Variants in ACAT2 observed in about 807,000 individuals in gnomAD.
The protein encoded by ACAT2 is acetyl-CoA acetyltransferase, cytosolic.
In ACAT2, 26 loss-of-function variants were observed where a neutral mutation model predicts 37.1. The observed-to-expected ratio is 0.70, with a 90% CI of 0.51 to 0.97. The LOEUF is 0.97. ACAT2 is among the 50% of genes least tolerant of loss of function. The probability of loss-of-function intolerance (pLI) is 0.00; values close to 1 mark genes in which losing one functional copy is unlikely to be tolerated. For missense variants in ACAT2, 468 were observed against 489.0 expected, an observed-to-expected ratio of 0.96 and a Z score of 0.40; for synonymous variants, 156 against 163.6, an observed-to-expected ratio of 0.95 and a Z score of 0.35.
intron 4 of ACAT2, among the ~76,000 whole-genome samples, chr6:159,769,372 G>A (rs944952048): frequency 5.9e-5 from 9 of 152,168 alleles, no homozygotes; most frequent in Non-Finnish European, 1.2e-4. Context: ...AAGACACTGT[G>A]TGACCAACTG....
At chr6:159,775,035 C>A in intron 4 of ACAT2, 135 bp from the exon 5 acceptor site, 1 of 982,824 alleles carries the variant, frequency 1.0e-6, no homozygotes, top group Non-Finnish European at 1.5e-6. Flanking sequence ...CCACCCCACA[C>A]AGAGCATTGC....
intron 7 of ACAT2, 127 bp from the exon 8 acceptor site, chr6:159,778,043 A>C: frequency 1.6e-6 from 1 of 618,478 alleles, no homozygotes; most frequent in Non-Finnish European, 2.8e-6. Context: ...TCACTGTATT[A>C]ACCTAAGAAC....
chr6:159,778,362 C>A, intron 8 of ACAT2, 82 bp downstream of exon 8: 2 of 925,544 alleles, frequency 2.2e-6, no homozygotes, highest in Non-Finnish European at 3.2e-6. Flanking sequence ...AGGTGTTGGC[C>A]ATGTGGGTAA....
chr6:159,771,622 G>A (rs1339645114), intron 4 of ACAT2, among the ~76,000 whole-genome samples: 4 of 151,188 alleles, frequency 2.6e-5, no homozygotes, highest in African/African-American at 9.8e-5. Flanking sequence ...CTGCACTCCA[G>A]TCTGGGCAAC....
At chr6:159,762,772 C>T (rs1311586550) in intron 1 of ACAT2, 147 bp from the exon 2 acceptor site, 1 of 1,589,936 alleles carries the variant, frequency 6.3e-7, no homozygotes, top group Non-Finnish European at 8.5e-7. Flanking sequence ...TTGCTCAGAC[C>T]AGCAGGTGTA....
chr6:159,770,310 A>C (rs1201266188), intron 4 of ACAT2, among the ~76,000 whole-genome samples: 1 of 152,248 alleles, frequency 6.6e-6, no homozygotes, highest in Non-Finnish European at 1.5e-5. Context: ...GTGGAAAAAA[A>C]CCACAACAGT....
chr6:159,777,161 T>G (rs1780434280), intron 6 of ACAT2, 141 bp from the exon 7 acceptor site: 3 of 966,498 alleles, frequency 3.1e-6, no homozygotes, highest in Non-Finnish European at 4.6e-6. Context: ...ATAATTTCTA[T>G]GTAAAGTCTG....
In ACAT2 at chr6:159,778,219, A is replaced by G. The variant is rs753538575; in HGVS notation, c.962A>G (p.Asn321Ser). 1.6e-5 allele frequency: 25 copies of G among 1,612,880 alleles called. No individual in the cohort carries two copies. Among genetic ancestry groups the G allele is most frequent in the Admixed American group, 1.5e-4 (9 of 59,912 alleles). ...GAAGATGTTGACATATTTGAAATCA[A>G]TGAAGCCTTTGCAGCTGTCTCTGCT... is the stretch of plus-strand genomic sequence containing the variant. The part of the protein sequence containing the change: ...SLEDVDIFEI[N>S]EAFAAVSAAI... The change falls in exon 8 of 9, where the codon AAT (asparagine) becomes AGT (serine). Residue 321 changes from asparagine to serine, a missense_variant. Asn to Ser is a conservative substitution (Grantham distance 46). Transcript: ENST00000367048.
intron 3 of ACAT2, 123 bp from the exon 4 acceptor site, chr6:159,768,388 G>A: frequency 1.4e-6 from 1 of 727,870 alleles, no homozygotes; most frequent in Non-Finnish European, 2.4e-6. Flanking sequence ...CCTAGAACTG[G>A]GGAGAAGGGC....
In ACAT2 at chr6:159,779,082, T is replaced by C. The variant is rs780413126; in HGVS notation, c.*253T>C. 6.2e-7 allele frequency: 1 copy of C among 1,614,118 alleles called. No individual in the cohort carries two copies. Among genetic ancestry groups the C allele is most frequent in the Non-Finnish European group, 8.5e-7 (1 of 1,179,966 alleles). The stretch of plus-strand genomic sequence containing the variant: ...GGCTCCAGAGTGAACAGCATCTTCA[T>C]AACTTCCATGTTTATCATCTTTACT... On this transcript the variant is annotated 3_prime_UTR_variant, in exon 9 of 9. Coordinates refer to ENST00000367048, the MANE Select transcript of ACAT2 (RefSeq NM_005891.3).
chr6:159,764,530 A>G (rs1780223300), intron 2 of ACAT2, among the ~76,000 whole-genome samples: 1 of 151,934 alleles, frequency 6.6e-6, no homozygotes, highest in Non-Finnish European at 1.5e-5. Context: ...TATAACCTCA[A>G]ACTCCTGGGC....
chr6:159,778,306 A>C (rs762165454), intron 8 of ACAT2, 26 bp downstream of exon 8: 1 of 1,485,546 alleles, frequency 6.7e-7, no homozygotes, highest in Non-Finnish European at 9.2e-7. Context: ...TAACCCTGAG[A>C]GCTTACCAGT....
intron 4 of ACAT2, among the ~76,000 whole-genome samples, chr6:159,769,518 A>T (rs1179982917): frequency 6.6e-6 from 1 of 152,240 alleles, no homozygotes; most frequent in Non-Finnish European, 1.5e-5. Context: ...AAAAAAAGAA[A>T]AGAAAAAAGG....
intron 4 of ACAT2, among the ~76,000 whole-genome samples, chr6:159,772,820 A>AG (rs1291769747): frequency 6.6e-6 from 1 of 151,952 alleles, no homozygotes; most frequent in Non-Finnish European, 1.5e-5. Flanking sequence ...AAAAAAAAAA[A>AG]AAAAGAAAGA....
chr6:159,776,012 T>A (rs376166272), intron 5 of ACAT2, 138 bp from the exon 6 acceptor site: 2 of 885,820 alleles, frequency 2.3e-6, no homozygotes, highest in African/African-American at 3.4e-5. Flanking sequence ...TTCCTCCTGT[T>A]GTCATCAAAG....
chr6:159,773,936 A>G (rs1055689098), intron 4 of ACAT2, among the ~76,000 whole-genome samples: 2 of 152,368 alleles, frequency 1.3e-5, no homozygotes, highest in East Asian at 1.9e-4. Context: ...AGTGGGTGAA[A>G]ATATGATGGG....
intron 2 of ACAT2, among the ~76,000 whole-genome samples, chr6:159,766,529 G>T (rs1485107079): frequency 1.3e-5 from 2 of 152,088 alleles, no homozygotes; most frequent in African/African-American, 4.8e-5. Flanking sequence ...AGCCTCCCTA[G>T]TAACTAGGAT....
chr6:159,762,067 G>A lies in ACAT2; in HGVS notation c.-21G>A, dbSNP rs1780148104. The A allele has an allele frequency of 6.2e-7, 1 of 1,612,342 alleles. No individual in the cohort carries two copies. The highest frequency in any genetic ancestry group is 1.3e-5 in the African/African-American group (1 of 74,898). ...CCTAGCTTGCAGGCAGCGCAGGGCAGACGGCGGCAGGAGAAGCAAGATGAA... is the reference window on the plus strand; with the variant it reads ...CCTAGCTTGCAGGCAGCGCAGGGCAAACGGCGGCAGGAGAAGCAAGATGAA... On this transcript the variant is annotated 5_prime_UTR_variant, in exon 1 of 9. Coordinates refer to ENST00000367048, the MANE Select transcript of ACAT2 (RefSeq NM_005891.3).
chr6:159,768,962 G>A (rs935981477), intron 4 of ACAT2, among the ~76,000 whole-genome samples: 4 of 152,130 alleles, frequency 2.6e-5, no homozygotes, highest in Non-Finnish European at 5.9e-5. Flanking sequence ...TGTACTTTTT[G>A]TACTACACAA....
Sources: allele counts gnomAD v4.1 joint callset (sites outside exome capture counted in the v4.1 genomes callset), GRCh38; gene constraint gnomAD v4.1.1; transcripts MANE v1.5; gene names NCBI Gene and HGNC (gene_info 2026-07-23, HGNC 2026-07-21).